Variants in TBC1D20 observed in about 807,000 individuals in gnomAD.
The protein encoded by TBC1D20 is chromosome 20 open reading frame 140.
In TBC1D20, 12 loss-of-function variants were observed where a neutral mutation model predicts 41.6. The observed-to-expected ratio is 0.29, with a 90% CI of 0.18 to 0.47. TBC1D20 has a LOEUF of 0.47. TBC1D20 is among the 20% of genes least tolerant of loss of function. The pLI is 1.00. For missense variants in TBC1D20, 421 were observed against 517.4 expected, an observed-to-expected ratio of 0.81 and a Z score of 1.81; for synonymous variants, 205 against 204.8, an observed-to-expected ratio of 1.00 and a Z score of -0.01.
In TBC1D20 at chr20:462,378, C is replaced by T. The variant is rs1445786076; in HGVS notation, c.28G>A (p.Gly10Ser). The change falls in exon 1 of 8, where the codon GGC becomes AGC. Residue 10 changes from glycine (G) to serine (S), a missense_variant. Physicochemically the swap from Gly to Ser is moderately conservative, Grantham distance 56. This residue lies in a region of TBC1D20 where 150 missense variants were observed against 151.3 expected (regional missense o/e 0.99). Transcript: ENST00000354200. ...CCGTCCCAGTGGCCGGAGGTGGGGC[C>T]GTCGCCCTGCGCACTCCGGAGGGCC... MALRSAQGD[G>S]PTSGHWDGGA... is the part of the protein sequence containing the mutation. 4.6e-6 allele frequency: 6 copies of T among 1,302,836 alleles called. No individual in the cohort carries two copies. The highest frequency in any genetic ancestry group is 2.9e-5 in the Admixed American group (1 of 35,078). The allele number at this position is 1,302,836 out of a possible 1,614,324, so 80.7% of individuals were successfully genotyped here. A position where few individuals can be genotyped will look rare whatever the true frequency, so the allele number is the denominator to read the frequency against.
intron 1 of TBC1D20, among the ~76,000 whole-genome samples, chr20:460,774 CA>C (rs2017616882): frequency 6.6e-6 from 1 of 152,146 alleles, no homozygotes; most frequent in African/African-American, 2.4e-5. Context: ...GATTAAAAAA[CA>C]AAACAATAAC....
chr20:446,943 ATTTT>A (rs35489596), intron 2 of TBC1D20, among the ~76,000 whole-genome samples: 1,485 of 75,932 alleles, frequency 0.02, 20 homozygotes, highest in East Asian at 0.087. Flanking sequence ...CAAAATACGC[ATTTT>A]TTTTTTTTTT....
At chr20:450,433 A>G (rs1269724076) in intron 1 of TBC1D20, among the ~76,000 whole-genome samples, 2 of 151,954 alleles carry the variant, frequency 1.3e-5, no homozygotes, top group Non-Finnish European at 2.9e-5. Flanking sequence ...AGCGTGAGCC[A>G]CCACGCCTGG....
At chr20:448,281 C>T (rs1457296868) in intron 1 of TBC1D20, among the ~76,000 whole-genome samples, 2 of 152,044 alleles carry the variant, frequency 1.3e-5, no homozygotes, top group Non-Finnish European at 2.9e-5. Context: ...CTTGGAGAGC[C>T]CACTATAAAA....
chr20:441,494 G>A (rs1178942358), intron 5 of TBC1D20, 94 bp downstream of exon 5: 20 of 1,099,456 alleles, frequency 1.8e-5, no homozygotes, highest in Middle Eastern at 2.0e-4. Context: ...CCAAGACAAT[G>A]AGGAAACTGC....
intron 2 of TBC1D20, among the ~76,000 whole-genome samples, chr20:446,787 C>T (rs1186531523): frequency 6.6e-6 from 1 of 151,878 alleles, no homozygotes; most frequent in Admixed American, 6.6e-5. Context: ...CGTGCACCAC[C>T]ATGTCTGGCT....
In TBC1D20 at chr20:462,498, C is replaced by T; in HGVS notation, c.-93G>A. On this transcript the variant is annotated 5_prime_UTR_variant, in exon 1 of 8. An upstream start codon of the reference 5' UTR is lost. Transcript: ENST00000354200. ...ACCGCGGGACGTAGCACCCGCTCGGCATCGGCAGGCTCCCCTCCGTCGGCC... is the reference window on the plus strand; with the variant it reads ...ACCGCGGGACGTAGCACCCGCTCGGTATCGGCAGGCTCCCCTCCGTCGGCC... 2.8e-6 allele frequency: 2 copies of T among 710,598 alleles called. No individual in the cohort carries two copies. Among genetic ancestry groups the T allele is most frequent in the Admixed American group, 4.9e-5 (1 of 20,536 alleles). The allele number at this position is 710,598 out of a possible 1,614,324, so 44.0% of individuals were successfully genotyped here. A position where few individuals can be genotyped will look rare whatever the true frequency, so the allele number is the denominator to read the frequency against.
chr20:451,060 A>G (rs908465765), intron 1 of TBC1D20, among the ~76,000 whole-genome samples: 2 of 152,244 alleles, frequency 1.3e-5, no homozygotes, highest in Non-Finnish European at 2.9e-5. Flanking sequence ...AAACGTCACA[A>G]GGCAGTAGAC....
chr20:444,366 G>A (rs551559348), intron 3 of TBC1D20, among the ~76,000 whole-genome samples: 1 of 152,296 alleles, frequency 6.6e-6, no homozygotes, highest in African/African-American at 2.4e-5. Flanking sequence ...AGCCAGCTTA[G>A]AGGCTCCTGT....
chr20:461,232 T>C (rs1200378373), intron 1 of TBC1D20, among the ~76,000 whole-genome samples: 1 of 152,224 alleles, frequency 6.6e-6, no homozygotes. Context: ...ACGGTGTACA[T>C]TCATAATTTT....
intron 1 of TBC1D20, among the ~76,000 whole-genome samples, chr20:448,345 C>T (rs1600335692): frequency 6.6e-6 from 1 of 151,932 alleles, no homozygotes; most frequent in Admixed American, 6.5e-5. Flanking sequence ...TAGGTCTGAA[C>T]CAAAAATCAT....
rs1162492639 is a variant in TBC1D20 at position 435,568 on chromosome 20, G to C, written c.*3018C>G. On this transcript the variant is annotated 3_prime_UTR_variant, in exon 8 of 8. Transcript: ENST00000354200. ...GAAGATACACACAGGGTGAGGTCTG[G>C]ACGGGTCCTGGGCAAATGCTGGAGC... 6.5e-6 allele frequency: 1 copy of C among 153,694 alleles called. No individual in the cohort carries two copies. The highest frequency in any genetic ancestry group is 1.5e-5 in the Non-Finnish European group (1 of 68,064). 9.5% of individuals were successfully genotyped at this position (153,694 alleles called of 1,614,324 possible).
intron 1 of TBC1D20, among the ~76,000 whole-genome samples, chr20:449,552 T>C (rs551631149): frequency 4.1e-4 from 62 of 151,490 alleles, no homozygotes; most frequent in African/African-American, 1.3e-3. Flanking sequence ...GCCAAGATCG[T>C]GCCACTGCAC....
Position 462,470 on chromosome 20 carries a change from C to A in TBC1D20, c.-65G>T, listed in dbSNP as rs768852033. ...GGCGGAGCCGGGAGAAGACGCGGCT[C>A]CGACCGCGGGACGTAGCACCCGCTC... On this transcript the variant is annotated 5_prime_UTR_variant, in exon 1 of 8. The change creates a premature stop within an existing upstream ORF in the 5' untranslated region. Coordinates refer to ENST00000354200, the MANE Select transcript of TBC1D20 (RefSeq NM_144628.4). The A allele has an allele frequency of 7.9e-6, 8 of 1,014,356 alleles. No homozygotes were observed. The highest frequency in any genetic ancestry group is 1.0e-5 in the Non-Finnish European group (8 of 799,956). The allele number at this position is 1,014,356 out of a possible 1,614,324, so 62.8% of individuals were successfully genotyped here.
Position 438,727 on chromosome 20 carries a change from A to G in TBC1D20, c.1071T>C (p.Asp357=). The stretch of plus-strand genomic sequence containing the variant: ...GGTTGGTCCTTGGCTTGGTCAGGAC[A>G]TCTTTTGTTCGATCTTCAGGCCGCA... The part of the protein sequence containing the change: ...GLLRPEDRTK[D]VLTKPRTNRF... Residue 357 remains aspartate, a synonymous_variant, in exon 8 of 8, where the codon GAT becomes GAC. Transcript: ENST00000354200. 1 of 1,614,172 alleles carries G rather than the reference A, an allele frequency of 6.2e-7. No individual in the cohort carries two copies. The highest frequency in any genetic ancestry group is 1.3e-5 in the African/African-American group (1 of 75,034).
intron 1 of TBC1D20, among the ~76,000 whole-genome samples, chr20:450,438 G>A (rs143623085): frequency 4.0e-5 from 6 of 151,782 alleles, no homozygotes; most frequent in East Asian, 3.9e-4. Flanking sequence ...GAGCCACCAC[G>A]CCTGGCCAAC....
rs537059952 is a variant in TBC1D20 at position 436,674 on chromosome 20, C to T, written c.*1912G>A. 5.9e-5 allele frequency: 9 copies of T among 153,794 alleles called. No homozygotes were observed. Among genetic ancestry groups the T allele is most frequent in the East Asian group, 1.9e-4 (1 of 5,186 alleles). 9.5% of individuals were successfully genotyped at this position (153,794 alleles called of 1,614,324 possible). On this transcript the variant is annotated 3_prime_UTR_variant, in exon 8 of 8. Transcript: ENST00000354200. ...TTGGGAGAGCACTGGGAATATCTGC[C>T]GCATCATCACCTCTGGAAGAATTTC...
chr20:448,308 G>C (rs895901899), intron 1 of TBC1D20, among the ~76,000 whole-genome samples: 5 of 152,142 alleles, frequency 3.3e-5, no homozygotes, highest in African/African-American at 7.2e-5. Flanking sequence ...TTAAATCACC[G>C]ATTTTTAAAA....
chr20:445,043 T>C lies in TBC1D20; in HGVS notation c.337+7A>G. 6.3e-7 allele frequency: 1 copy of C among 1,597,746 alleles called. No individual in the cohort carries two copies. The highest frequency in any genetic ancestry group is 8.5e-7 in the Non-Finnish European group (1 of 1,169,810). ...CCAAATGTGGCAGGACCGGGAGAGC[T>C]TCTCACCAGGAGGGAACCGCCGCAA... On this transcript the variant is annotated splice_region_variant and intron_variant, in intron 3 of 7. Coordinates refer to ENST00000354200, the MANE Select transcript of TBC1D20 (RefSeq NM_144628.4).
Sources: allele counts gnomAD v4.1 joint callset (sites outside exome capture counted in the v4.1 genomes callset), GRCh38; gene constraint gnomAD v4.1.1; regional missense constraint gnomAD v4.1.1; transcripts MANE v1.5; gene names NCBI Gene and HGNC (gene_info 2026-07-23, HGNC 2026-07-21).